The following NCK2 variants were observed in gnomAD, a reference collection of about 807,000 sequenced individuals.
The protein encoded by NCK2 is NCK adaptor protein 2.
In NCK2, 16 loss-of-function variants were observed where a neutral mutation model predicts 33.9. That is an observed-to-expected ratio of 0.47 (90% CI 0.32 to 0.72). NCK2 has a LOEUF of 0.72. Ranked by LOEUF, NCK2 falls within the 30% of genes least tolerant of loss-of-function variation. The pLI, the probability that NCK2 is intolerant of heterozygous loss-of-function variation, is 0.03. For synonymous variants in NCK2, 273 were observed against 239.9 expected (o/e 1.14, Z -1.27); for missense variants, 418 against 537.3 (o/e 0.78, Z 2.19).
At chr2:105,785,564 C>T (rs957582390) in intron 1 of NCK2, among the ~76,000 whole-genome samples, 4 of 152,162 alleles carry the variant, frequency 2.6e-5, no homozygotes, top group East Asian at 1.9e-4. Flanking sequence ...ACAGGTTTCC[C>T]GCTGTGAACA....
chr2:105,870,926 A>G (rs3754806), intron 3 of NCK2, among the ~76,000 whole-genome samples: 29,241 of 151,866 alleles, frequency 0.19, 3,459 homozygotes, highest in East Asian at 0.31. Context: ...TGCCCAGCAC[A>G]TCGTAGGATC....
intron 1 of NCK2, among the ~76,000 whole-genome samples, chr2:105,753,398 C>A (rs1402814925): frequency 1.3e-5 from 2 of 152,220 alleles, no homozygotes; most frequent in African/African-American, 4.8e-5. Context: ...TCCACCTGCC[C>A]AAGTCTCCAA....
At chr2:105,884,231 G>C (rs200548114) in intron 4 of NCK2, among the ~76,000 whole-genome samples, 1 of 106,938 alleles carries the variant, frequency 9.4e-6, no homozygotes, top group South Asian at 2.9e-4. Context: ...TCCTTTGCTT[G>C]TTTTTTTCCC....
intron 1 of NCK2, among the ~76,000 whole-genome samples, chr2:105,795,036 A>C (rs114305959): frequency 6.6e-6 from 1 of 151,798 alleles, no homozygotes; most frequent in African/African-American, 2.4e-5. Context: ...GAGCAGTTTT[A>C]GTTTCACAGC....
chr2:105,760,961 GC>G (rs913330293), intron 1 of NCK2, among the ~76,000 whole-genome samples: 10 of 152,226 alleles, frequency 6.6e-5, no homozygotes, highest in African/African-American at 2.4e-4. Context: ...GAGGGCAGTG[GC>G]CTGAAGAAGT....
At chr2:105,750,964 G>A (rs1032007332) in intron 1 of NCK2, among the ~76,000 whole-genome samples, 6 of 152,118 alleles carry the variant, frequency 3.9e-5, no homozygotes, top group African/African-American at 1.2e-4. Context: ...TGTGCATGAC[G>A]GTGGTGAGGT....
At position 105,806,399 on chromosome 2, in the gene NCK2, G is replaced by A. The variant is rs183058609; in HGVS notation, c.-200-10031G>A. On this transcript the variant is annotated intron_variant, in intron 1 of 4. Transcript: ENST00000233154. ...ACTACAGGCACCCACCACCACGTCC[G>A]GCTAACTTTTTGTATTTTTAGTAGA... Among the ~76,000 whole-genome samples the A allele has an allele frequency of 1.9e-3, 288 of 152,006 alleles. 1 individual carries two copies. Among genetic ancestry groups the A allele is most frequent in the African/African-American group, 6.6e-3 (274 of 41,466 alleles).
intron 3 of NCK2, among the ~76,000 whole-genome samples, chr2:105,866,487 C>T (rs1404714537): frequency 6.6e-6 from 1 of 152,278 alleles, no homozygotes; most frequent in Non-Finnish European, 1.5e-5. Context: ...TGGATGGTGG[C>T]AGGAGGTGGG....
intron 1 of NCK2, among the ~76,000 whole-genome samples, chr2:105,787,446 A>G (rs1690718288): frequency 6.6e-6 from 1 of 152,140 alleles, no homozygotes; most frequent in Admixed American, 6.5e-5. Flanking sequence ...AAGAGACAGC[A>G]GAGAGCTCTC....
chr2:105,861,551 G>A lies in NCK2; in HGVS notation c.226+6262G>A, dbSNP rs1163865205. ...TTTTTTTGAGACGGTGTCTTGCTCTGTCACCTAGGCTGGAGTGCAGTGGCA... is the reference window on the plus strand; with the variant it reads ...TTTTTTTGAGACGGTGTCTTGCTCTATCACCTAGGCTGGAGTGCAGTGGCA... On this transcript the variant is annotated intron_variant, in intron 3 of 4. Coordinates refer to ENST00000233154, the MANE Select transcript of NCK2 (RefSeq NM_003581.5). 2.2e-5 allele frequency among the ~76,000 whole-genome samples: 3 copies of A among 134,246 alleles called. No homozygotes were observed. In the East Asian group the frequency reaches 6.6e-4, roughly 30 times the overall value. The allele number at this position is 134,246 out of a possible 152,430, so 88.1% of individuals were successfully genotyped here. A position where few individuals can be genotyped will look rare whatever the true frequency, so the allele number is the denominator to read the frequency against.
chr2:105,873,045 T>C (rs367890932), intron 3 of NCK2, among the ~76,000 whole-genome samples: 6 of 152,320 alleles, frequency 3.9e-5, no homozygotes, highest in African/African-American at 1.4e-4. Context: ...GAAAGGTCAC[T>C]GTCCTTCCAT....
intron 1 of NCK2, among the ~76,000 whole-genome samples, chr2:105,787,745 G>A (rs1690731405): frequency 6.6e-6 from 1 of 152,154 alleles, no homozygotes; most frequent in African/African-American, 2.4e-5. Context: ...CACTAGCCAG[G>A]TTCCTTCTTG....
chr2:105,846,792 C>A (rs909955963), intron 2 of NCK2: 10 of 152,154 alleles, frequency 6.6e-5, no homozygotes, highest in African/African-American at 2.4e-4. Flanking sequence ...ACTAGAATTA[C>A]CATATGACCC....
chr2:105,751,654 C>T (rs13012641), intron 1 of NCK2, among the ~76,000 whole-genome samples: 38,247 of 152,200 alleles, frequency 0.25, 5,500 homozygotes, highest in Middle Eastern at 0.36. Context: ...ACTCTCTCCA[C>T]TGGGACTGGT....
intron 1 of NCK2, among the ~76,000 whole-genome samples, chr2:105,762,632 T>C (rs1689804170): frequency 6.6e-6 from 1 of 152,230 alleles, no homozygotes; most frequent in Non-Finnish European, 1.5e-5. Flanking sequence ...ATTTCCTTCC[T>C]GCATGAATGT....
At chr2:105,774,642 T>G (rs1466677300) in intron 1 of NCK2, among the ~76,000 whole-genome samples, 1 of 152,072 alleles carries the variant, frequency 6.6e-6, no homozygotes, top group Non-Finnish European at 1.5e-5. Flanking sequence ...ACTCTAGACC[T>G]GGCTGTTGGG....
chr2:105,788,419 T>C (rs910998605), intron 1 of NCK2, among the ~76,000 whole-genome samples: 7 of 152,200 alleles, frequency 4.6e-5, no homozygotes, highest in Non-Finnish European at 7.3e-5. Flanking sequence ...GTTTCCTTTT[T>C]CCTCTGGTTT....
At chr2:105,864,164 A>T (rs1220162878) in intron 3 of NCK2, among the ~76,000 whole-genome samples, 1 of 152,086 alleles carries the variant, frequency 6.6e-6, no homozygotes, top group Non-Finnish European at 1.5e-5. Context: ...GGAGGTTTCC[A>T]CAGGGCTTAA....
intron 1 of NCK2, among the ~76,000 whole-genome samples, chr2:105,776,176 G>A (rs933705368): frequency 4.6e-5 from 7 of 152,140 alleles, no homozygotes; most frequent in Non-Finnish European, 7.3e-5. Context: ...CCTGCCATTC[G>A]CTCCCACTTC....
Sources: allele counts gnomAD v4.1 joint callset (sites outside exome capture counted in the v4.1 genomes callset), GRCh38; gene constraint gnomAD v4.1.1; transcripts MANE v1.5; gene names NCBI Gene and HGNC (gene_info 2026-07-23, HGNC 2026-07-21).